Variants in TMEM163 observed in about 807,000 individuals in gnomAD.
TMEM163 encodes transmembrane protein 163.
A neutral mutation model predicts 29.3 loss-of-function variants in TMEM163; 17 were observed. That is an observed-to-expected ratio of 0.58 (90% confidence interval 0.40 to 0.87). TMEM163 has a LOEUF of 0.87. Among genes scored for constraint, TMEM163 ranks in the 40% least tolerant of loss-of-function variants. The probability of loss-of-function intolerance (pLI) is 0.00; values close to 1 mark genes in which losing one functional copy is unlikely to be tolerated. For synonymous variants in TMEM163, 157 were observed against 160.6 expected, an observed-to-expected ratio of 0.98 and a Z score of 0.17; for missense variants, 303 against 381.5, an observed-to-expected ratio of 0.79 and a Z score of 1.71.
At chr2:134,699,605 G>A (rs1451826736) in intron 2 of TMEM163, among the ~76,000 whole-genome samples, 1 of 152,070 alleles carries the variant, frequency 6.6e-6, no homozygotes, top group Non-Finnish European at 1.5e-5. Flanking sequence ...TCCCTGTTAT[G>A]GATGGCAGTC....
chr2:134,502,457 A>T (rs1415869081), intron 5 of TMEM163, among the ~76,000 whole-genome samples: 1 of 152,234 alleles, frequency 6.6e-6, no homozygotes, highest in Non-Finnish European at 1.5e-5. Flanking sequence ...TCAATATCCC[A>T]GTGTCAATTG....
intron 2 of TMEM163, among the ~76,000 whole-genome samples, chr2:134,621,755 G>A (rs981278331): frequency 6.6e-6 from 1 of 152,094 alleles, no homozygotes; most frequent in Non-Finnish European, 1.5e-5. Context: ...GCCGGGCGTG[G>A]TGGCAGGCGC....
At chr2:134,584,654 A>AG (rs1681770958) in intron 2 of TMEM163, among the ~76,000 whole-genome samples, 1 of 147,336 alleles carries the variant, frequency 6.8e-6, no homozygotes, top group Non-Finnish European at 1.5e-5. Context: ...AAAAAAAAAA[A>AG]GTACAAAGGC....
intron 4 of TMEM163, among the ~76,000 whole-genome samples, chr2:134,535,717 GTTT>G (rs59227102): frequency 7.0e-6 from 1 of 142,482 alleles, no homozygotes. Flanking sequence ...TATTTGTATG[GTTT>G]TTTTTTTTGT....
intron 5 of TMEM163, among the ~76,000 whole-genome samples, chr2:134,498,689 A>G (rs572662922): frequency 1.3e-5 from 2 of 152,272 alleles, no homozygotes; most frequent in Non-Finnish European, 2.9e-5. Context: ...AGCAGCACAG[A>G]GTGAAGGGGC....
chr2:134,546,341 A>G (rs1680783863), intron 4 of TMEM163, among the ~76,000 whole-genome samples: 1 of 152,188 alleles, frequency 6.6e-6, no homozygotes, highest in Admixed American at 6.5e-5. Flanking sequence ...TATTTACAAT[A>G]GAATATTATT....
intron 5 of TMEM163, among the ~76,000 whole-genome samples, chr2:134,480,978 G>A (rs1460021575): frequency 6.6e-6 from 1 of 152,140 alleles, no homozygotes; most frequent in African/African-American, 2.4e-5. Context: ...GACCCCCGAA[G>A]TTCCTTCACG....
intron 2 of TMEM163, among the ~76,000 whole-genome samples, chr2:134,620,383 A>G (rs1162260873): frequency 6.6e-6 from 1 of 152,004 alleles, no homozygotes; most frequent in African/African-American, 2.4e-5. Flanking sequence ...CAGCCTCCCA[A>G]GTAGCTGGGA....
chr2:134,718,614 G>C (rs1284491703), intron 1 of TMEM163, 120 bp downstream of exon 1: 2 of 737,946 alleles, frequency 2.7e-6, no homozygotes, highest in Middle Eastern at 5.7e-4. Flanking sequence ...GGGAAGTCGG[G>C]GCTCCGCGCC....
chr2:134,703,699 CT>C (rs1372651196), intron 2 of TMEM163, among the ~76,000 whole-genome samples: 2 of 151,854 alleles, frequency 1.3e-5, no homozygotes, highest in African/African-American at 4.8e-5. Context: ...CATTGGAACC[CT>C]GTTATTTACA....
At position 134,621,688 on chromosome 2, in the gene TMEM163, A is replaced by C. The variant is rs183651583; in HGVS notation, c.323-69597T>G. ...GGCGAATTACGAGGTCAGGAGATCG[A>C]GACCATCCTGGCTAACACAGTGAAA... On this transcript the variant is annotated intron_variant, in intron 2 of 7. Transcript: ENST00000281924. Among the ~76,000 whole-genome samples, 229 of 151,974 alleles carry C rather than the reference A, an allele frequency of 1.5e-3. 2 individuals carry two copies. Among genetic ancestry groups the C allele is most frequent in the African/African-American group, 5.1e-3 (212 of 41,440 alleles).
intron 4 of TMEM163, among the ~76,000 whole-genome samples, chr2:134,513,331 C>T (rs939667758): frequency 6.6e-6 from 1 of 152,146 alleles, no homozygotes; most frequent in Non-Finnish European, 1.5e-5. Flanking sequence ...GGAGCTGGAA[C>T]AGGAGTTTAG....
intron 5 of TMEM163, among the ~76,000 whole-genome samples, chr2:134,487,335 TACAA>T (rs989373679): frequency 6.6e-6 from 1 of 152,106 alleles, no homozygotes; most frequent in African/African-American, 2.4e-5. Flanking sequence ...ATTAATTAAA[TACAA>T]ACACTTAATA....
intron 4 of TMEM163, among the ~76,000 whole-genome samples, chr2:134,506,559 G>C (rs1679828914): frequency 6.6e-6 from 1 of 152,100 alleles, no homozygotes; most frequent in South Asian, 2.1e-4. Context: ...TAGCGGGCTT[G>C]CCTAAGGTCA....
At position 134,572,996 on chromosome 2, in the gene TMEM163, C is replaced by T. The variant is rs138712912; in HGVS notation, c.323-20905G>A. On this transcript the variant is annotated intron_variant, in intron 2 of 7. Transcript: ENST00000281924. ...AATCAACATGCCTGGGACATCTTGC[C>T]CCACAACCAAAGCTGCTGGACTGGC... Among the ~76,000 whole-genome samples, 318 of 152,310 alleles carry T rather than the reference C, an allele frequency of 2.1e-3. 3 individuals are homozygous for T. The highest frequency in any genetic ancestry group is 0.011 in the Admixed American group (166 of 15,300).
chr2:134,549,444 T>A (rs1188317468), intron 4 of TMEM163, among the ~76,000 whole-genome samples: 2 of 152,072 alleles, frequency 1.3e-5, no homozygotes, highest in Non-Finnish European at 2.9e-5. Context: ...ACCTCCTGGG[T>A]TCAAGCAATT....
rs184234681 is a variant in TMEM163 at position 134,567,219 on chromosome 2, T to C, written c.323-15128A>G. ...GAAAGCAGCCAAACCACTTTCCACA[T>C]AGCCACTGAGAATCAGTAATTATGT... On this transcript the variant is annotated intron_variant, in intron 2 of 7. Transcript: ENST00000281924. Among the ~76,000 whole-genome samples the C allele has an allele frequency of 8.2e-3, 1,253 of 152,302 alleles. 25 individuals are homozygous for C. Among genetic ancestry groups the C allele is most frequent in the African/African-American group, 0.028 (1,159 of 41,560 alleles).
At chr2:134,650,433 T>C (rs1043265949) in intron 2 of TMEM163, among the ~76,000 whole-genome samples, 1 of 151,954 alleles carries the variant, frequency 6.6e-6, no homozygotes, top group Admixed American at 6.5e-5. Context: ...TAAACATTTG[T>C]ATAGAATCAT....
intron 3 of TMEM163, among the ~76,000 whole-genome samples, chr2:134,551,835 TC>T (rs1680935467): frequency 6.6e-6 from 1 of 152,206 alleles, no homozygotes; most frequent in African/African-American, 2.4e-5. Context: ...GAAATGTGGT[TC>T]CCCCCAATCT....
Sources: allele counts gnomAD v4.1 joint callset (sites outside exome capture counted in the v4.1 genomes callset), GRCh38; gene constraint gnomAD v4.1.1; transcripts MANE v1.5; gene names NCBI Gene and HGNC (gene_info 2026-07-23, HGNC 2026-07-21).